HNRNPA0: variants seen among roughly 807,000 people sequenced by gnomAD.
HNRNPA0 encodes the protein heterogeneous nuclear ribonucleoprotein A0.
For missense variants in HNRNPA0, 252 were observed against 433.7 expected, an observed-to-expected ratio of 0.58 and a Z score of 3.72; for synonymous variants, 243 against 195.5, an observed-to-expected ratio of 1.24 and a Z score of -2.03.
Position 137,748,927 on chromosome 5 carries a change from T to C in HNRNPA0, c.*4222A>G, listed in dbSNP as rs994917075. Reference sequence around the variant, plus strand: ...TCCAATTTTGATGGTGTGAACAATATGAGATTGTGACACAATGCTGTAAAG... The same window carrying C: ...TCCAATTTTGATGGTGTGAACAATACGAGATTGTGACACAATGCTGTAAAG... On this transcript the variant is annotated 3_prime_UTR_variant, in exon 1 of 1. Transcript: ENST00000314940. 2.6e-5 allele frequency: 4 copies of C among 152,012 alleles called. No homozygotes were observed. The highest frequency in any genetic ancestry group is 9.7e-5 in the African/African-American group (4 of 41,394). 9.4% of individuals were successfully genotyped at this position (152,012 alleles called of 1,614,324 possible).
At position 137,754,204 on chromosome 5, in the gene HNRNPA0, G is replaced by A. The variant is rs975026242; in HGVS notation, c.-138C>T. Reference sequence around the variant, plus strand: ...CCCCCGCCGCTCACCGACGGGGAAGGGAAAAAGGGAAGGGGAGGGAAGGAA... The same window carrying A: ...CCCCCGCCGCTCACCGACGGGGAAGAGAAAAAGGGAAGGGGAGGGAAGGAA... On this transcript the variant is annotated 5_prime_UTR_variant, in exon 1 of 1. Coordinates refer to ENST00000314940, the MANE Select transcript of HNRNPA0 (RefSeq NM_006805.4). 5 of 1,182,656 alleles carry A rather than the reference G, an allele frequency of 4.2e-6. No homozygotes were observed. The highest frequency in any genetic ancestry group is 2.9e-5 in the Admixed American group (1 of 34,574). The allele number at this position is 1,182,656 out of a possible 1,614,324, so 73.3% of individuals were successfully genotyped here.
At position 137,746,023 on chromosome 5, in the gene HNRNPA0, G is replaced by C. The variant is rs745722940; in HGVS notation, c.*7126C>G. 2.0e-5 allele frequency: 3 copies of C among 152,166 alleles called. No individual in the cohort carries two copies. The highest frequency in any genetic ancestry group is 4.4e-5 in the Non-Finnish European group (3 of 68,040). 9.4% of individuals were successfully genotyped at this position (152,166 alleles called of 1,614,324 possible). A position where few individuals can be genotyped will look rare whatever the true frequency, so the allele number is the denominator to read the frequency against. ...CCCCTAAATCCACGTGTTCAGATAA[G>C]GGCCAACCATGCAAGTAGGCCACTC... On this transcript the variant is annotated 3_prime_UTR_variant, in exon 1 of 1. Transcript: ENST00000314940.
In HNRNPA0 at chr5:137,749,147, T is replaced by C. The variant is rs899222428; in HGVS notation, c.*4002A>G. On this transcript the variant is annotated 3_prime_UTR_variant, in exon 1 of 1. Transcript: ENST00000314940. ...GGTAAACACTGGGAAATAAGCACAC[T>C]GTTTAAATGGCAAAAGTTTACACTT... is the stretch of plus-strand genomic sequence containing the variant. 5.9e-5 allele frequency: 9 copies of C among 152,200 alleles called. No individual in the cohort carries two copies. The highest frequency in any genetic ancestry group is 1.3e-4 in the Non-Finnish European group (9 of 68,028). 9.4% of individuals were successfully genotyped at this position (152,200 alleles called of 1,614,324 possible). A position where few individuals can be genotyped will look rare whatever the true frequency, so the allele number is the denominator to read the frequency against.
In HNRNPA0 at chr5:137,746,962, A is replaced by C. The variant is rs1301128811; in HGVS notation, c.*6187T>G. 1 of 151,784 alleles carries C rather than the reference A, an allele frequency of 6.6e-6. No homozygotes were observed. Among genetic ancestry groups the C allele is most frequent in the East Asian group, 1.9e-4 (1 of 5,198 alleles). The allele number at this position is 151,784 out of a possible 1,614,324, so 9.4% of individuals were successfully genotyped here. On this transcript the variant is annotated 3_prime_UTR_variant, in exon 1 of 1. Coordinates refer to ENST00000314940, the MANE Select transcript of HNRNPA0 (RefSeq NM_006805.4). ...AAATGTGAAAGAAGTTTTTTTTTTT[A>C]ATTTCACTGAAGAGATGACCACAGT... is the stretch of plus-strand genomic sequence containing the variant.
At position 137,753,739 on chromosome 5, in the gene HNRNPA0, C is replaced by T. The variant is rs1281115475; in HGVS notation, c.328G>A (p.Ala110Thr). Residue 110 changes from alanine to threonine, a missense_variant, in exon 1 of 1, where the codon GCT (alanine) becomes ACT (threonine). Physicochemically the swap from Ala to Thr is moderately conservative, Grantham distance 58. Transcript: ENST00000314940. This position sits in a 1 kb window ranked among gnomAD's most constrained non-coding sequence, Gnocchi z 6.1. ...LFVGGLKGDV[A>T]EGDLIEHFSQ... ...AAGTGCTCGATCAGGTCGCCCTCAG[C>T]CACGTCTCCTTTAAGGCCTCCGACA... 1 of 1,612,742 alleles carries T rather than the reference C, an allele frequency of 6.2e-7. No homozygotes were observed. Among genetic ancestry groups the T allele is most frequent in the Non-Finnish European group, 8.5e-7 (1 of 1,180,038 alleles).
In HNRNPA0 at chr5:137,747,750, T is replaced by C. The variant is rs1013000203; in HGVS notation, c.*5399A>G. The C allele has an allele frequency of 6.6e-6, 1 of 152,218 alleles. No individual in the cohort carries two copies. Among genetic ancestry groups the C allele is most frequent in the Admixed American group, 6.5e-5 (1 of 15,284 alleles). 9.4% of individuals were successfully genotyped at this position (152,218 alleles called of 1,614,324 possible). ...TTGTGAATTAGTTTCACTACCATTATTGTTGCTCAAAAACCTTTAATGACT... is the reference window on the plus strand; with the variant it reads ...TTGTGAATTAGTTTCACTACCATTACTGTTGCTCAAAAACCTTTAATGACT... On this transcript the variant is annotated 3_prime_UTR_variant, in exon 1 of 1. Transcript: ENST00000314940.
chr5:137,754,218 G>A lies in HNRNPA0; in HGVS notation c.-152C>T, dbSNP rs773308311. 1.7e-4 allele frequency: 181 copies of A among 1,051,060 alleles called. No homozygotes were observed. The highest frequency in any genetic ancestry group is 2.2e-4 in the Non-Finnish European group (162 of 737,036). 65.1% of individuals were successfully genotyped at this position (1,051,060 alleles called of 1,614,324 possible). On this transcript the variant is annotated 5_prime_UTR_variant, in exon 1 of 1. Transcript: ENST00000314940. ...CGACGGGGAAGGGAAAAAGGGAAGG[G>A]GAGGGAAGGAAGGAAGAGAGGAAGG...
rs1753407736 is a variant in HNRNPA0, at chr5:137,746,271, A to T, written c.*6878T>A. 6.6e-6 allele frequency: 1 copy of T among 152,226 alleles called. No individual in the cohort carries two copies. The highest frequency in any genetic ancestry group is 2.4e-5 in the African/African-American group (1 of 41,450). The allele number at this position is 152,226 out of a possible 1,614,324, so 9.4% of individuals were successfully genotyped here. ...ATGAAAGGAATAGGAATTTTGGGAA[A>T]CACATCTTTTAAAATTCAAATCAGA... On this transcript the variant is annotated 3_prime_UTR_variant, in exon 1 of 1. Transcript: ENST00000314940.
chr5:137,747,105 C>T lies in HNRNPA0; in HGVS notation c.*6044G>A, dbSNP rs573949711. The T allele has an allele frequency of 6.6e-6, 1 of 152,176 alleles. No homozygotes were observed. The highest frequency in any genetic ancestry group is 1.5e-5 in the Non-Finnish European group (1 of 68,024). The allele number at this position is 152,176 out of a possible 1,614,324, so 9.4% of individuals were successfully genotyped here. A position where few individuals can be genotyped will look rare whatever the true frequency, so the allele number is the denominator to read the frequency against. ...GACTAGAGAATCTAGCAATAGGAGA[C>T]AGTTACGAGAAGCCAGAAAAGACCT... On this transcript the variant is annotated 3_prime_UTR_variant, in exon 1 of 1. Coordinates refer to ENST00000314940, the MANE Select transcript of HNRNPA0 (RefSeq NM_006805.4).
chr5:137,746,205 T>A lies in HNRNPA0; in HGVS notation c.*6944A>T, dbSNP rs1265647441. ...ATCACTTATACCTTATCCAAGTAGTTCTGATTGCTTTCCTTATAAACCTTC... is the reference window on the plus strand; with the variant it reads ...ATCACTTATACCTTATCCAAGTAGTACTGATTGCTTTCCTTATAAACCTTC... On this transcript the variant is annotated 3_prime_UTR_variant, in exon 1 of 1. Transcript: ENST00000314940. 2.6e-5 allele frequency: 4 copies of A among 152,212 alleles called. No individual in the cohort carries two copies. 9.4% of individuals were successfully genotyped at this position (152,212 alleles called of 1,614,324 possible). A position where few individuals can be genotyped will look rare whatever the true frequency, so the allele number is the denominator to read the frequency against.
In HNRNPA0 at chr5:137,752,991, G is replaced by A. The variant is rs1221786133; in HGVS notation, c.*158C>T. On this transcript the variant is annotated 3_prime_UTR_variant, in exon 1 of 1. Coordinates refer to ENST00000314940, the MANE Select transcript of HNRNPA0 (RefSeq NM_006805.4). ...ACAAGAGAGGTGGCAGGCAAATAGA[G>A]GAACACCCCCAAGGGTAAGCAGCCT... The A allele has an allele frequency of 1.0e-5, 7 of 681,208 alleles. No homozygotes were observed. The East Asian group carries it at 1.9e-4, about 19-fold the overall frequency. 42.2% of individuals were successfully genotyped at this position (681,208 alleles called of 1,614,324 possible). A position where few individuals can be genotyped will look rare whatever the true frequency, so the allele number is the denominator to read the frequency against.
At position 137,753,036 on chromosome 5, in the gene HNRNPA0, G is replaced by A. The variant is rs1753533439; in HGVS notation, c.*113C>T. The A allele has an allele frequency of 5.7e-6, 7 of 1,223,614 alleles. No individual in the cohort carries two copies. The highest frequency in any genetic ancestry group is 5.1e-5 in the Admixed American group (2 of 38,854). 75.8% of individuals were successfully genotyped at this position (1,223,614 alleles called of 1,614,324 possible). A position where few individuals can be genotyped will look rare whatever the true frequency, so the allele number is the denominator to read the frequency against. On this transcript the variant is annotated 3_prime_UTR_variant, in exon 1 of 1. Transcript: ENST00000314940. The surrounding 1 kb of genome is among the most constrained non-coding windows in gnomAD (Gnocchi z 6.1). ...CAGCCTTAGAAGTGGCTCCCCCAAG[G>A]GCAAAACAGGGAAGGCGGTGTGTGT... is the stretch of plus-strand genomic sequence containing the variant.
In HNRNPA0 at chr5:137,753,748, CTTT is replaced by C; in HGVS notation, c.316_318del (p.Lys106del). ...ATCAGGTCGCCCTCAGCCACGTCTC[CTTT>C]AAGGCCTCCGACAAAGAGCTTCTTA... On this transcript the variant is annotated inframe_deletion, in exon 1 of 1. Coordinates refer to ENST00000314940, the MANE Select transcript of HNRNPA0 (RefSeq NM_006805.4). The surrounding 1 kb of genome is among the most constrained non-coding windows in gnomAD (Gnocchi z 6.1). 1 of 1,612,306 alleles carries C rather than the reference CTTT, an allele frequency of 6.2e-7. No homozygotes were observed. The highest frequency in any genetic ancestry group is 8.5e-7 in the Non-Finnish European group (1 of 1,180,036).
At position 137,753,473 on chromosome 5, in the gene HNRNPA0, C is replaced by CCGGCCGCCT. The variant is rs763347767; in HGVS notation, c.585_593dup (p.Gly197_Gly199dup). ...TCTGGTCTCGACCACCGCCGCGCCC[C>CCGGCCGCCT]CGGCCGCCTCGGCCGCCCCGGGAGG... On this transcript the variant is annotated inframe_insertion, in exon 1 of 1. Coordinates refer to ENST00000314940, the MANE Select transcript of HNRNPA0 (RefSeq NM_006805.4). The surrounding 1 kb of genome is among the most constrained non-coding windows in gnomAD (Gnocchi z 6.1). 16 of 1,571,830 alleles carry CCGGCCGCCT rather than the reference C, an allele frequency of 1.0e-5. No individual in the cohort carries two copies. Among genetic ancestry groups the CCGGCCGCCT allele is most frequent in the East Asian group, 2.4e-5 (1 of 42,194 alleles).
At position 137,753,103 on chromosome 5, in the gene HNRNPA0, G is replaced by GA; in HGVS notation, c.*45dup. On this transcript the variant is annotated 3_prime_UTR_variant, in exon 1 of 1. Coordinates refer to ENST00000314940, the MANE Select transcript of HNRNPA0 (RefSeq NM_006805.4). This position sits in a 1 kb window ranked among gnomAD's most constrained non-coding sequence, Gnocchi z 6.1. Reference sequence around the variant, plus strand: ...GGAGTTGACCCCACTTGGGCTGTTGGAAAGAGCTACCCCTATAGCCACTCC... The same window carrying GA: ...GGAGTTGACCCCACTTGGGCTGTTGGAAAAGAGCTACCCCTATAGCCACTCC... The GA allele has an allele frequency of 6.4e-7, 1 of 1,560,130 alleles. No individual in the cohort carries two copies. Among genetic ancestry groups the GA allele is most frequent in the Non-Finnish European group, 8.7e-7 (1 of 1,149,592 alleles).
In HNRNPA0 at chr5:137,751,202, C is replaced by CT. The variant is rs1561629013; in HGVS notation, c.*1946dup. 6.6e-6 allele frequency: 1 copy of CT among 151,642 alleles called. No individual in the cohort carries two copies. The highest frequency in any genetic ancestry group is 1.9e-4 in the East Asian group (1 of 5,152). The allele number at this position is 151,642 out of a possible 1,614,324, so 9.4% of individuals were successfully genotyped here. ...CCCGTTTGTCATAGAGGATATAACA[C>CT]TATTTGTACCAACCATCCGCTACCC... is the stretch of plus-strand genomic sequence containing the variant. On this transcript the variant is annotated 3_prime_UTR_variant, in exon 1 of 1. Coordinates refer to ENST00000314940, the MANE Select transcript of HNRNPA0 (RefSeq NM_006805.4).
rs1753543412 is a variant in HNRNPA0, at chr5:137,753,369, G to A, written c.698C>T (p.Ala233Val). The A allele has an allele frequency of 6.5e-7, 1 of 1,544,788 alleles. No individual in the cohort carries two copies. The highest frequency in any genetic ancestry group is 1.2e-5 in the South Asian group (1 of 84,364). The change falls in exon 1 of 1, where the codon GCC (alanine) becomes GTC (valine). Residue 233 changes from alanine to valine, a missense_variant. Ala to Val is a moderately conservative substitution (Grantham distance 64). Transcript: ENST00000314940. The surrounding 1 kb of genome is among the most constrained non-coding windows in gnomAD (Gnocchi z 6.1). ...YGGGGGGGYN[A>V]YGGGGGGSSY... Reference sequence around the variant, plus strand: ...CGAACCGCCGCCGCCGCCTCCGTAGGCATTGTAGCCGCCGCCTCCGCCGCC... The same window carrying A: ...CGAACCGCCGCCGCCGCCTCCGTAGACATTGTAGCCGCCGCCTCCGCCGCC...
In HNRNPA0 at chr5:137,754,157, G is replaced by T; in HGVS notation, c.-91C>A. ...TTGGTTAAGGCCTCTACACAGCTTG[G>T]GCCCAGCCGTTGCTGGAGCCACCCC... is the stretch of plus-strand genomic sequence containing the variant. On this transcript the variant is annotated 5_prime_UTR_variant, in exon 1 of 1. Transcript: ENST00000314940. The T allele has an allele frequency of 6.9e-7, 1 of 1,453,130 alleles. No homozygotes were observed. The allele number at this position is 1,453,130 out of a possible 1,614,324, so 90.0% of individuals were successfully genotyped here. A position where few individuals can be genotyped will look rare whatever the true frequency, so the allele number is the denominator to read the frequency against.
rs535450874 is a variant in HNRNPA0 at position 137,754,183 on chromosome 5, C to T, written c.-117G>A. On this transcript the variant is annotated 5_prime_UTR_variant, in exon 1 of 1. Transcript: ENST00000314940. ...GCCCAGCCGTTGCTGGAGCCACCCC[C>T]GCCGCTCACCGACGGGGAAGGGAAA... 2.6e-5 allele frequency: 35 copies of T among 1,328,974 alleles called. No individual in the cohort carries two copies. The African/African-American group carries it at 4.6e-4, about 17-fold the overall frequency. The allele number at this position is 1,328,974 out of a possible 1,614,324, so 82.3% of individuals were successfully genotyped here.
Sources: gnomAD v4.1 joint callset for allele counts on GRCh38, gnomAD v4.1.1 for gene constraint, Gnocchi (gnomAD v3.1) non-coding constraint, MANE v1.5 for transcripts, NCBI Gene and HGNC (gene_info 2026-07-23, HGNC 2026-07-21) for gene names.